CSMD1: variants seen among roughly 807,000 people sequenced by gnomAD.
The protein encoded by CSMD1 is CUB and Sushi multiple domains 1, also known as CUB and sushi domain-containing protein 1.
CSMD1 carries 213 observed loss-of-function variants against 417.5 expected under a neutral mutation model. The observed-to-expected ratio is 0.51, with a 90% CI of 0.46 to 0.57. The LOEUF is 0.57. CSMD1 is among the 20% of genes least tolerant of loss of function. CSMD1 has a pLI of 0.00. For missense variants in CSMD1, 6,923 were observed against 4,529.7 expected, an observed-to-expected ratio of 1.53 and a Z score of -15.17; for synonymous variants, 2,862 against 1,736.8, an observed-to-expected ratio of 1.65 and a Z score of -16.11.
At chr8:4,627,675 G>T (rs1194921093) in intron 2 of CSMD1, among the ~76,000 whole-genome samples, 2 of 151,988 alleles carry the variant, frequency 1.3e-5, no homozygotes, top group South Asian at 4.1e-4. Context: ...AGCTGCTCCG[G>T]GATGCCCCAG....
At chr8:3,258,423 T>A (rs573159052) in intron 26 of CSMD1, among the ~76,000 whole-genome samples, 122 of 152,276 alleles carry the variant, frequency 8.0e-4, no homozygotes, top group African/African-American at 2.7e-3. Context: ...CAATGGCTAT[T>A]ACTGAAAAAC....
chr8:4,032,007 T>A lies in CSMD1; in HGVS notation c.508A>T (p.Ser170Cys). Residue 170 changes from serine to cysteine, a missense_variant, in exon 4 of 70, where the codon AGC becomes TGC. Physicochemically the swap from Ser to Cys is moderately radical, Grantham distance 112. Transcript: ENST00000635120. ...RFNIGDKIRY[S>C]CLPGYILEGH... ...TCCAAGATGTAGCCAGGGAGGCAGCTGTACCGGATTTTGTCTCCTATGTTG... is the reference window on the plus strand; with the variant it reads ...TCCAAGATGTAGCCAGGGAGGCAGCAGTACCGGATTTTGTCTCCTATGTTG... 1 of 1,613,986 alleles carries A rather than the reference T, an allele frequency of 6.2e-7. No homozygotes were observed. The highest frequency in any genetic ancestry group is 8.5e-7 in the Non-Finnish European group (1 of 1,179,870).
intron 5 of CSMD1, among the ~76,000 whole-genome samples, chr8:3,856,615 C>T (rs778167137): frequency 1.3e-5 from 2 of 152,180 alleles, no homozygotes; most frequent in African/African-American, 4.8e-5. Flanking sequence ...TAGTCCTTTT[C>T]TATGGTGCCC....
intron 12 of CSMD1, among the ~76,000 whole-genome samples, chr8:3,431,343 T>A (rs948464913): frequency 1.3e-5 from 2 of 152,170 alleles, no homozygotes; most frequent in East Asian, 1.9e-4. Context: ...AGGCAGTAAC[T>A]TGGAGAGTGA....
chr8:3,444,834 G>A (rs2117076818), intron 12 of CSMD1, among the ~76,000 whole-genome samples: 1 of 152,258 alleles, frequency 6.6e-6, no homozygotes, highest in East Asian at 1.9e-4. Context: ...ACCTCAGCAA[G>A]TAAATACAAA....
At chr8:3,124,752 C>T (rs1817402686) in intron 41 of CSMD1, among the ~76,000 whole-genome samples, 1 of 152,150 alleles carries the variant, frequency 6.6e-6, no homozygotes, top group Non-Finnish European at 1.5e-5. Flanking sequence ...TAAGTGGACA[C>T]AGACATATTA....
intron 49 of CSMD1, among the ~76,000 whole-genome samples, chr8:3,056,954 A>G (rs925332020): frequency 1.3e-5 from 2 of 152,078 alleles, no homozygotes; most frequent in Non-Finnish European, 2.9e-5. Flanking sequence ...AGTGCCTGCC[A>G]TTTGTTTTTG....
chr8:3,179,439 G>A (rs1821170361), intron 37 of CSMD1, among the ~76,000 whole-genome samples: 1 of 152,014 alleles, frequency 6.6e-6, no homozygotes, highest in Non-Finnish European at 1.5e-5. Context: ...ACAAAAGCTT[G>A]GATTCTCAAA....
At chr8:4,781,855 A>G (rs10081504) in intron 1 of CSMD1, among the ~76,000 whole-genome samples, 12,877 of 152,216 alleles carry the variant, frequency 0.085, 598 homozygotes, top group Middle Eastern at 0.099. Flanking sequence ...TTTAGTTTAC[A>G]TATCGAGAGG....
chr8:3,026,643 C>T (rs987092481), intron 51 of CSMD1, among the ~76,000 whole-genome samples: 26 of 152,176 alleles, frequency 1.7e-4, no homozygotes, highest in Non-Finnish European at 2.8e-4. Context: ...CTGTCAACAC[C>T]GTGAACTCTG....
At position 4,447,018 on chromosome 8, in the gene CSMD1, T is replaced by C. The variant is rs188238318; in HGVS notation, c.303-26953A>G. ...GTAAGAAACTGTTGCATGGAAGGGA[T>C]TGTGGAGTTAACAAAAAGGATCATC... On this transcript the variant is annotated intron_variant, in intron 2 of 69. Transcript: ENST00000635120. 1.8e-4 allele frequency among the ~76,000 whole-genome samples: 28 copies of C among 151,354 alleles called. No individual in the cohort carries two copies. In the East Asian group the frequency reaches 3.5e-3, roughly 19 times the overall value.
chr8:3,028,653 A>G (rs901339301), intron 51 of CSMD1, among the ~76,000 whole-genome samples: 1 of 152,188 alleles, frequency 6.6e-6, no homozygotes, highest in Non-Finnish European at 1.5e-5. Flanking sequence ...ACAGTTAAAC[A>G]TTCATGCTTT....
intron 26 of CSMD1, among the ~76,000 whole-genome samples, chr8:3,247,862 G>C (rs552576100): frequency 1.3e-5 from 2 of 152,274 alleles, no homozygotes; most frequent in East Asian, 1.9e-4. Context: ...AATTCACAAG[G>C]GGGGAGCAGG....
chr8:4,012,125 A>C (rs1012636465), intron 4 of CSMD1, among the ~76,000 whole-genome samples: 2 of 152,138 alleles, frequency 1.3e-5, no homozygotes, highest in African/African-American at 4.8e-5. Context: ...GATTTAAAAT[A>C]TATATATATT....
At chr8:4,485,892 GA>G (rs1043991638) in intron 2 of CSMD1, among the ~76,000 whole-genome samples, 5 of 152,006 alleles carry the variant, frequency 3.3e-5, no homozygotes, top group African/African-American at 1.2e-4. Context: ...CAGGGAGTAA[GA>G]AGTGGATTTC....
chr8:4,611,528 A>G (rs1801168358), intron 2 of CSMD1, among the ~76,000 whole-genome samples: 1 of 152,190 alleles, frequency 6.6e-6, no homozygotes, highest in Admixed American at 6.5e-5. Context: ...GCAATTTATT[A>G]AGACCCGTAT....
At chr8:3,670,588 G>T (rs1337830007) in intron 7 of CSMD1, among the ~76,000 whole-genome samples, 1 of 144,498 alleles carries the variant, frequency 6.9e-6, no homozygotes, top group African/African-American at 2.6e-5. Context: ...GATATATATG[G>T]GGATATATAT....
intron 10 of CSMD1, among the ~76,000 whole-genome samples, chr8:3,529,147 T>C (rs1275395691): frequency 6.6e-6 from 1 of 152,138 alleles, no homozygotes; most frequent in African/African-American, 2.4e-5. Flanking sequence ...AATTGTGTAG[T>C]AAAGACAATA....
chr8:3,515,172 C>A (rs1797234757), intron 10 of CSMD1: 1 of 152,114 alleles, frequency 6.6e-6, no homozygotes, highest in South Asian at 2.1e-4. Flanking sequence ...CATGAAAGTC[C>A]TACTCTCTAT....
Sources: allele counts gnomAD v4.1 joint callset (sites outside exome capture counted in the v4.1 genomes callset), GRCh38; gene constraint gnomAD v4.1.1; transcripts MANE v1.5; gene names NCBI Gene and HGNC (gene_info 2026-07-23, HGNC 2026-07-21).